The following SETD5 variants were observed in gnomAD, a reference collection of about 807,000 sequenced individuals.
SETD5 encodes histone-lysine N-methyltransferase SETD5.
A neutral mutation model predicts 153.3 loss-of-function variants in SETD5; 44 were observed. The ratio of observed to expected loss-of-function variants is 0.29; its 90% CI spans 0.23 to 0.37. The LOEUF (loss-of-function observed/expected upper bound fraction) is 0.37, where lower values mean the gene tolerates loss of function less well. SETD5 is among the 10% of genes least tolerant of loss of function. The pLI, the probability that SETD5 is intolerant of heterozygous loss-of-function variation, is 1.00. For missense variants in SETD5, 1,544 were observed against 1,768.0 expected (o/e 0.87, Z 2.27); for synonymous variants, 716 against 645.2 (o/e 1.11, Z -1.66).
Position 9,464,557 on chromosome 3 carries a change from C to T in SETD5, c.2609C>T (p.Thr870Ile), listed in dbSNP as rs760998130. 1 of 1,613,988 alleles carries T rather than the reference C, an allele frequency of 6.2e-7. No homozygotes were observed. Among genetic ancestry groups the T allele is most frequent in the South Asian group, 1.1e-5 (1 of 91,082 alleles). The change falls in exon 18 of 23, where the codon ACA becomes ATA. Residue 870 changes from threonine (T) to isoleucine (I), a missense_variant. Thr to Ile is a moderately conservative substitution (Grantham distance 89, BLOSUM62 -1). Coordinates refer to ENST00000402198, the MANE Select transcript of SETD5 (RefSeq NM_001080517.3). ...GGCTCAAAGAGTCCCCAGCTGGCCA[C>T]ACCTGGCTCATCTCACCCAGGAGAA... Reference protein sequence around the residue: ...NSGSKSPQLATPGSSHPGEEE... With the variant: ...NSGSKSPQLAIPGSSHPGEEE...
chr3:9,426,966 T>C (rs1204891767), intron 2 of SETD5, among the ~76,000 whole-genome samples: 2 of 152,160 alleles, frequency 1.3e-5, no homozygotes, highest in Non-Finnish European at 2.9e-5. Flanking sequence ...CACCTCAGCC[T>C]CTACCTCCTG....
At chr3:9,444,921 CTG>C in intron 11 of SETD5, 125 bp from the exon 12 acceptor site, 1 of 1,252,200 alleles carries the variant, frequency 8.0e-7, no homozygotes, top group Non-Finnish European at 1.1e-6. Context: ...TCTAATGTCT[CTG>C]TTTAACTTAT....
In SETD5 at chr3:9,475,071, C is replaced by G. The variant is rs557545173; in HGVS notation, c.3635C>G (p.Pro1212Arg). 7.0e-6 allele frequency: 11 copies of G among 1,581,118 alleles called. No homozygotes were observed. In the East Asian group the frequency reaches 2.3e-4, roughly 33 times the overall value. The change falls in exon 22 of 23, where the codon CCT (proline) becomes CGT (arginine). Residue 1212 changes from proline (P) to arginine (R), a missense_variant. Physicochemically the swap from Pro to Arg is moderately radical, Grantham distance 103 (BLOSUM62 -2). Around this residue, in one of 9 missense-constraint regions of SETD5, gnomAD observed 302 missense variants for 277.6 expected, o/e 1.09. Coordinates refer to ENST00000402198, the MANE Select transcript of SETD5 (RefSeq NM_001080517.3). Reference protein sequence around the residue: ...ESNITEKDSDPADGEGPETLS... With the variant: ...ESNITEKDSDRADGEGPETLS... ...TTTTATATATGTTACCTTCCAGACCCTGCAGATGGAGAAGGCCCAGAGACA... is the reference window on the plus strand; with the variant it reads ...TTTTATATATGTTACCTTCCAGACCGTGCAGATGGAGAAGGCCCAGAGACA...
intron 2 of SETD5, chr3:9,426,209 G>C (rs1467770758): frequency 1.9e-5 from 1 of 51,334 alleles, no homozygotes; most frequent in Non-Finnish European, 3.8e-5. Context: ...AAGTTCATCA[G>C]TCCCTTTTTT....
chr3:9,454,920 G>T (rs1170541463), intron 17 of SETD5, among the ~76,000 whole-genome samples: 1 of 151,940 alleles, frequency 6.6e-6, no homozygotes, highest in African/African-American at 2.4e-5. Context: ...AAGTAAATTA[G>T]ATGCTAAAGC....
intron 3 of SETD5, chr3:9,431,831 C>G (rs2040000412): frequency 1.7e-6 from 1 of 599,618 alleles, no homozygotes; most frequent in African/African-American, 2.0e-5. Context: ...CTGTCCCCCT[C>G]CCACCAAAAA....
intron 1 of SETD5, among the ~76,000 whole-genome samples, chr3:9,414,338 A>C (rs2037089071): frequency 6.6e-6 from 1 of 152,144 alleles, no homozygotes; most frequent in Non-Finnish European, 1.5e-5. Context: ...TTCTTAAGAA[A>C]TTCTTAATTC....
rs781437201 is a variant in SETD5 at position 9,475,063 on chromosome 3, T to A, written c.3632-5T>A. 1 of 1,574,872 alleles carries A rather than the reference T, an allele frequency of 6.3e-7. No individual in the cohort carries two copies. Among genetic ancestry groups the A allele is most frequent in the African/African-American group, 1.4e-5 (1 of 73,900 alleles). On this transcript the variant is annotated splice_region_variant and splice_polypyrimidine_tract_variant and intron_variant, in intron 21 of 22. Coordinates refer to ENST00000402198, the MANE Select transcript of SETD5 (RefSeq NM_001080517.3). ...TGATTTTTTTTTATATATGTTACCT[T>A]CCAGACCCTGCAGATGGAGAAGGCC...
intron 1 of SETD5, among the ~76,000 whole-genome samples, chr3:9,414,097 A>T (rs998022498): frequency 2.6e-5 from 4 of 152,196 alleles, no homozygotes; most frequent in Non-Finnish European, 4.4e-5. Context: ...TTTTACGTCA[A>T]ATTTTGTCTC....
intron 3 of SETD5, chr3:9,429,858 C>G: frequency 7.7e-7 from 1 of 1,303,758 alleles, no homozygotes; most frequent in Non-Finnish European, 1.0e-6. Flanking sequence ...CCTTTCAAGA[C>G]GAAGTGGCAC....
In SETD5 at chr3:9,469,480, T is replaced by A. The variant is rs146557571; in HGVS notation, c.2725-979T>A. Among the ~76,000 whole-genome samples the A allele has an allele frequency of 3.4e-3, 516 of 152,330 alleles. 7 individuals carry two copies. Among genetic ancestry groups the A allele is most frequent in the African/African-American group, 0.012 (500 of 41,572 alleles). Reference sequence around the variant, plus strand: ...CATAATTCAGTGACAGTCTACTAAGTTCTGAATCAGTAGTAGTTCACAGGT... The same window carrying A: ...CATAATTCAGTGACAGTCTACTAAGATCTGAATCAGTAGTAGTTCACAGGT... On this transcript the variant is annotated intron_variant, in intron 18 of 22. Transcript: ENST00000402198.
intron 2 of SETD5, among the ~76,000 whole-genome samples, chr3:9,425,450 CATTA>C (rs1171576584): frequency 6.6e-6 from 1 of 152,036 alleles, no homozygotes; most frequent in East Asian, 1.9e-4. Flanking sequence ...TTTATTCACT[CATTA>C]AGATGTTATC....
At chr3:9,410,019 G>T (rs2036308273) in intron 1 of SETD5, among the ~76,000 whole-genome samples, 2 of 152,198 alleles carry the variant, frequency 1.3e-5, no homozygotes, top group Non-Finnish European at 2.9e-5. Context: ...TTTAGAGATA[G>T]AGATAGTCAT....
At position 9,466,387 on chromosome 3, in the gene SETD5, G is replaced by T. The variant is rs17050375; in HGVS notation, c.2724+1715G>T. On this transcript the variant is annotated intron_variant, in intron 18 of 22. Transcript: ENST00000402198. ...TGTTCCTTATCCCTTGTAGCATTTG[G>T]GATAACTATTAAACACTGCAAATAT... Among the ~76,000 whole-genome samples, 995 of 151,874 alleles carry T rather than the reference G, an allele frequency of 6.6e-3. 4 individuals carry two copies. Among genetic ancestry groups the T allele is most frequent in the Non-Finnish European group, 9.8e-3 (663 of 67,968 alleles).
In SETD5 at chr3:9,434,998, A is replaced by G. The variant is rs1365121737; in HGVS notation, c.388+116A>G. On this transcript the variant is annotated intron_variant, in intron 6 of 22. Coordinates refer to ENST00000402198, the MANE Select transcript of SETD5 (RefSeq NM_001080517.3). The surrounding 1 kb of genome is among the most constrained non-coding windows in gnomAD (Gnocchi z 5.6). ...AGTGGCTTACGCCTGTAATCTCACC[A>G]CTTAGGGAGGCCAAAGCGGGCGGAT... 3.3e-6 allele frequency: 4 copies of G among 1,225,514 alleles called. No individual in the cohort carries two copies. In the African/African-American group the frequency reaches 6.2e-5, roughly 19 times the overall value. 75.9% of individuals were successfully genotyped at this position (1,225,514 alleles called of 1,614,324 possible).
intron 3 of SETD5, chr3:9,431,635 C>T (rs2039977803): frequency 1.0e-6 from 1 of 985,326 alleles, no homozygotes; most frequent in Non-Finnish European, 1.2e-6. Flanking sequence ...AAATGCTGTG[C>T]TTAACTAGAA....
In SETD5 at chr3:9,447,903, G is replaced by A; in HGVS notation, c.2000G>A (p.Ser667Asn). Reference protein sequence around the residue: ...VTPTEAGSLDSSGENRPLTGS... With the variant: ...VTPTEAGSLDNSGENRPLTGS... ...CCTACTGAAGCTGGAAGTCTAGACA[G>A]TTCAGGAGAAAACAGGCCATTAACA... Residue 667 changes from serine to asparagine, a missense_variant, in exon 15 of 23, where the codon AGT becomes AAT. By Grantham distance (46) the Ser-to-Asn change is conservative. Coordinates refer to ENST00000402198, the MANE Select transcript of SETD5 (RefSeq NM_001080517.3). 3 of 1,613,960 alleles carry A rather than the reference G, an allele frequency of 1.9e-6. No individual in the cohort carries two copies. The highest frequency in any genetic ancestry group is 2.5e-6 in the Non-Finnish European group (3 of 1,179,870).
At chr3:9,467,149 C>T (rs552105713) in intron 18 of SETD5, among the ~76,000 whole-genome samples, 11 of 145,322 alleles carry the variant, frequency 7.6e-5, no homozygotes, top group Admixed American at 2.8e-4. Context: ...GCCAAGACTG[C>T]GCCACTGCAT....
Position 9,475,739 on chromosome 3 carries a change from A to G in SETD5, c.3977A>G (p.His1326Arg), listed in dbSNP as rs750038933. 6.8e-6 allele frequency: 11 copies of G among 1,613,798 alleles called. No individual in the cohort carries two copies. Among genetic ancestry groups the G allele is most frequent in the South Asian group, 4.4e-5 (4 of 91,076 alleles). The stretch of plus-strand genomic sequence containing the variant: ...CCAGGGTATTTTAGCAGCCAGCCAC[A>G]TTCTGGAAACAGCACTGGCAGCAAT... ...GTPGYFSSQP[H>R]SGNSTGSNLP... Residue 1326 changes from histidine (H) to arginine (R), a missense_variant, in exon 23 of 23, where the codon CAT becomes CGT. His to Arg is a conservative substitution (Grantham distance 29). Transcript: ENST00000402198.
Sources: gnomAD v4.1 joint callset for allele counts (sites outside exome capture counted in the v4.1 genomes callset) on GRCh38, gnomAD v4.1.1 for gene constraint, gnomAD v4.1.1 regional missense constraint, Gnocchi (gnomAD v3.1) non-coding constraint, MANE v1.5 for transcripts, NCBI Gene and HGNC (gene_info 2026-07-23, HGNC 2026-07-21) for gene names.